The following DENND4A variants were observed in gnomAD, a reference collection of about 807,000 sequenced individuals.
DENND4A encodes the protein DENN domain containing 4A, also known as C-myc promoter-binding protein.
Under a neutral mutation model 199.3 loss-of-function variants are expected in DENND4A, and 70 were observed. That is an observed-to-expected ratio of 0.35 (90% CI 0.29 to 0.43). The LOEUF (loss-of-function observed/expected upper bound fraction) is 0.43, where lower values mean the gene tolerates loss of function less well. DENND4A is among the 20% of genes least tolerant of loss of function. The pLI, the probability that DENND4A is intolerant of heterozygous loss-of-function variation, is 1.00. For missense variants in DENND4A, 1,723 were observed against 2,255.8 expected (o/e 0.76, Z 4.78); for synonymous variants, 686 against 766.9 (o/e 0.89, Z 1.74).
At chr15:65,683,429 T>C (rs1444514118) in intron 23 of DENND4A, among the ~76,000 whole-genome samples, 1 of 152,158 alleles carries the variant, frequency 6.6e-6, no homozygotes, top group Non-Finnish European at 1.5e-5. Context: ...ACTTTGAGCT[T>C]ACTTTGTTCT....
chr15:65,662,555 T>C (rs1195404839), intron 32 of DENND4A, among the ~76,000 whole-genome samples: 2 of 152,182 alleles, frequency 1.3e-5, no homozygotes, highest in Non-Finnish European at 2.9e-5. Flanking sequence ...TACCAAGGTC[T>C]GTGTGCCTTT....
intron 11 of DENND4A, among the ~76,000 whole-genome samples, chr15:65,726,628 C>T (rs1567049935): frequency 6.6e-6 from 1 of 152,158 alleles, no homozygotes; most frequent in Non-Finnish European, 1.5e-5. Context: ...GGTTTAGGCA[C>T]TTGAGGTTGT....
intron 15 of DENND4A, among the ~76,000 whole-genome samples, chr15:65,703,645 G>T (rs16948965): frequency 0.2 from 30,966 of 152,114 alleles, 4,219 homozygotes; most frequent in East Asian, 0.74. Context: ...ATAAGGGTGC[G>T]AGACCAAGAT....
At position 65,664,324 on chromosome 15, in the gene DENND4A, A is replaced by T. The variant is rs545905566; in HGVS notation, c.5587+6T>A. The T allele has an allele frequency of 1.3e-5, 20 of 1,525,902 alleles. No individual in the cohort carries two copies. Among genetic ancestry groups the T allele is most frequent in the Non-Finnish European group, 1.8e-5 (20 of 1,112,418 alleles). The allele number at this position is 1,525,902 out of a possible 1,614,324, so 94.5% of individuals were successfully genotyped here. A position where few individuals can be genotyped will look rare whatever the true frequency, so the allele number is the denominator to read the frequency against. ...ATATTACATATTAGATATAAAGCTA[A>T]ATTACCTATATCAATGTTTTCTCTT... On this transcript the variant is annotated splice_donor_region_variant and intron_variant, in intron 32 of 32. Coordinates refer to ENST00000443035, the MANE Select transcript of DENND4A (RefSeq NM_001320835.1).
Position 65,691,116 on chromosome 15 carries a change from C to A in DENND4A, c.3478G>T (p.Asp1160Tyr), listed in dbSNP as rs1295609177. The A allele has an allele frequency of 1.2e-6, 2 of 1,613,234 alleles. No individual in the cohort carries two copies. Among genetic ancestry groups the A allele is most frequent in the African/African-American group, 1.3e-5 (1 of 75,020 alleles). Residue 1160 changes from aspartate (D) to tyrosine (Y), a missense_variant, in exon 23 of 33, where the codon GAT becomes TAT. This residue lies in a region of DENND4A where 650 missense variants were observed against 738.1 expected (regional missense o/e 0.88). Coordinates refer to ENST00000443035, the MANE Select transcript of DENND4A (RefSeq NM_001320835.1). ...DGSNYLADKV[D>Y]SPVIFDLEDL... The stretch of plus-strand genomic sequence containing the variant: ...TCTAAGTCAAAAATAACAGGAGAAT[C>A]CACTTTATCTGCCAAATAGTTAGAA...
At chr15:65,729,352 G>A (rs777488730) in intron 10 of DENND4A, 105 bp from the exon 11 acceptor site, 1 of 1,375,906 alleles carries the variant, frequency 7.3e-7, no homozygotes, top group South Asian at 1.3e-5. Flanking sequence ...AAAGCCTAAT[G>A]CCTGATAATG....
rs768998896 is a variant in DENND4A, at chr15:65,690,513, C to T, written c.4081G>A (p.Asp1361Asn). 6.2e-7 allele frequency: 1 copy of T among 1,613,342 alleles called. No homozygotes were observed. Among genetic ancestry groups the T allele is most frequent in the South Asian group, 1.1e-5 (1 of 91,008 alleles). ...GTGAACATACTGTTTCTTAGAACAT[C>T]TAGTTTAGGTACTAGTAGTGTATCT... Reference protein sequence around the residue: ...NLDTLLVPKLDVLRNSMFTAG... With the variant: ...NLDTLLVPKLNVLRNSMFTAG... The change falls in exon 23 of 33, where the codon GAT becomes AAT. Residue 1361 changes from aspartate (D) to asparagine (N), a missense_variant. Asp to Asn is a conservative substitution (Grantham distance 23). This residue lies in a region of DENND4A where 650 missense variants were observed against 738.1 expected (regional missense o/e 0.88). Transcript: ENST00000443035.
chr15:65,739,195 G>C (rs781134805), intron 5 of DENND4A, among the ~76,000 whole-genome samples: 1 of 152,142 alleles, frequency 6.6e-6, no homozygotes, highest in Non-Finnish European at 1.5e-5. Flanking sequence ...ACCTTAGAAA[G>C]AATACTAAGT....
intron 5 of DENND4A, among the ~76,000 whole-genome samples, chr15:65,739,661 T>C (rs1373846087): frequency 1.3e-5 from 2 of 152,222 alleles, no homozygotes; most frequent in Non-Finnish European, 2.9e-5. Flanking sequence ...TTGTTGGTTC[T>C]GCCACTAATA....
chr15:65,700,512 T>C, intron 20 of DENND4A, 32 bp downstream of exon 20: 1 of 1,284,352 alleles, frequency 7.8e-7, no homozygotes, highest in Non-Finnish European at 1.0e-6. Flanking sequence ...AAAAATGTAC[T>C]ATAATAAATG....
At chr15:65,757,491 C>T (rs2076737677) in intron 2 of DENND4A, among the ~76,000 whole-genome samples, 3 of 152,142 alleles carry the variant, frequency 2.0e-5, no homozygotes, top group Admixed American at 2.0e-4. Flanking sequence ...TTTCAAAGGA[C>T]TATACTCCCA....
chr15:65,732,672 G>T (rs11071849), intron 8 of DENND4A, 80 bp downstream of exon 8: 3 of 839,216 alleles, frequency 3.6e-6, no homozygotes, highest in Non-Finnish European at 5.7e-6. Context: ...TCCTCATTCA[G>T]AATTGTTATT....
chr15:65,728,963 A>C, intron 11 of DENND4A, 109 bp downstream of exon 11: 1 of 1,131,572 alleles, frequency 8.8e-7, no homozygotes, highest in South Asian at 1.3e-5. Flanking sequence ...ATAACAAGGA[A>C]AACAATATAT....
chr15:65,683,789 A>C (rs372420274), intron 23 of DENND4A, among the ~76,000 whole-genome samples: 13 of 152,302 alleles, frequency 8.5e-5, no homozygotes, highest in East Asian at 7.7e-4. Flanking sequence ...ACAATTCAAT[A>C]ATCTTTGTAG....
At chr15:65,713,679 G>C (rs2075310174) in intron 14 of DENND4A, among the ~76,000 whole-genome samples, 2 of 152,180 alleles carry the variant, frequency 1.3e-5, no homozygotes, top group South Asian at 4.1e-4. Flanking sequence ...TTTGCCTGTG[G>C]AAATCCCTTC....
chr15:65,663,190 A>ATTTTTTT (rs2075913420), intron 32 of DENND4A, among the ~76,000 whole-genome samples: 4 of 123,050 alleles, frequency 3.3e-5, no homozygotes, highest in African/African-American at 1.4e-4. Flanking sequence ...ATATATATAT[A>ATTTTTTT]TATATATATT....
chr15:65,740,959 AC>A lies in DENND4A; in HGVS notation c.631+755del, dbSNP rs938283937. Among the ~76,000 whole-genome samples, 146 of 150,290 alleles carry A rather than the reference AC, an allele frequency of 9.7e-4. 1 individual carries two copies. The highest frequency in any genetic ancestry group is 3.4e-3 in the Middle Eastern group (1 of 294). On this transcript the variant is annotated intron_variant, in intron 5 of 32. Transcript: ENST00000443035. ...CCTGAGCAACCGAATGAGACCCCGT[AC>A]CCCCCCCAAAAAAAATCAAATGTAA...
intron 23 of DENND4A, among the ~76,000 whole-genome samples, chr15:65,687,646 T>C (rs2076835957): frequency 6.6e-6 from 1 of 152,206 alleles, no homozygotes. Context: ...AAATTCTGAG[T>C]TGACAGGTCT....
At chr15:65,762,665 T>C (rs1228998613) in intron 1 of DENND4A, among the ~76,000 whole-genome samples, 1 of 152,200 alleles carries the variant, frequency 6.6e-6, no homozygotes, top group Admixed American at 6.5e-5. Flanking sequence ...ACAAAAAATG[T>C]AATACAAATT....
Sources: allele counts gnomAD v4.1 joint callset (sites outside exome capture counted in the v4.1 genomes callset), GRCh38; gene constraint gnomAD v4.1.1; regional missense constraint gnomAD v4.1.1; transcripts MANE v1.5; gene names NCBI Gene and HGNC (gene_info 2026-07-23, HGNC 2026-07-21).